The following MARCHF1 variants were observed in gnomAD, a reference collection of about 807,000 sequenced individuals.
MARCHF1 encodes membrane associated ring-CH-type finger 1.
In MARCHF1, 40 loss-of-function variants were observed where a neutral mutation model predicts 54.2. The observed-to-expected ratio is 0.74, with a 90% CI of 0.57 to 0.96. MARCHF1 has a LOEUF of 0.96. MARCHF1 is among the 40% of genes least tolerant of loss of function. The probability of loss-of-function intolerance (pLI) is 0.00; values close to 1 mark genes in which losing one functional copy is unlikely to be tolerated. For synonymous variants in MARCHF1, 236 were observed against 236.3 expected (o/e 1.00, Z 0.01); for missense variants, 586 against 656.5 (o/e 0.89, Z 1.17).
At chr4:163,705,683 G>C (rs953539942) in intron 4 of MARCHF1, among the ~76,000 whole-genome samples, 1 of 151,852 alleles carries the variant, frequency 6.6e-6, no homozygotes, top group Non-Finnish European at 1.5e-5. Context: ...ACCCCTTATA[G>C]TAATAAAGAC....
At chr4:163,610,374 G>T (rs1458923298) in intron 7 of MARCHF1, among the ~76,000 whole-genome samples, 1 of 151,956 alleles carries the variant, frequency 6.6e-6, no homozygotes, top group East Asian at 1.9e-4. Context: ...AATACCTATT[G>T]GCTCATCTAT....
chr4:163,641,110 AT>A (rs1742537492), intron 5 of MARCHF1, among the ~76,000 whole-genome samples: 1 of 152,076 alleles, frequency 6.6e-6, no homozygotes, highest in African/African-American at 2.4e-5. Context: ...CATCTGGCAA[AT>A]ATACTACATT....
At chr4:164,090,953 T>C (rs6827245) in intron 2 of MARCHF1, among the ~76,000 whole-genome samples, 107,896 of 151,978 alleles carry the variant, frequency 0.71, 39,839 homozygotes, top group Non-Finnish European at 0.83. Flanking sequence ...TGAAGTGAGT[T>C]AAAGAAATCA....
intron 4 of MARCHF1, among the ~76,000 whole-genome samples, chr4:163,714,768 G>A (rs1745208737): frequency 6.6e-6 from 1 of 152,050 alleles, no homozygotes; most frequent in Admixed American, 6.6e-5. Flanking sequence ...CCTCCAGGTT[G>A]AAGTGATCCT....
intron 2 of MARCHF1, among the ~76,000 whole-genome samples, chr4:164,073,048 G>A (rs7690391): frequency 0.012 from 1,880 of 152,264 alleles, 38 homozygotes; most frequent in African/African-American, 0.043. Context: ...ATAGTCAGAA[G>A]GAGAGAAGAA....
chr4:163,904,913 TATTTCAC>T (rs928870072), intron 3 of MARCHF1, among the ~76,000 whole-genome samples: 5 of 152,180 alleles, frequency 3.3e-5, no homozygotes, highest in Admixed American at 6.5e-5. Context: ...TTCTAACTTG[TATTTCAC>T]TTTGCTTAAG....
chr4:164,118,047 G>C (rs910032323), intron 1 of MARCHF1, among the ~76,000 whole-genome samples: 1 of 151,824 alleles, frequency 6.6e-6, no homozygotes, highest in Non-Finnish European at 1.5e-5. Context: ...TATAGAAAAA[G>C]AAAGTTTAAG....
intron 1 of MARCHF1, among the ~76,000 whole-genome samples, chr4:164,267,901 A>G (rs976000170): frequency 6.6e-6 from 1 of 151,962 alleles, no homozygotes; most frequent in Non-Finnish European, 1.5e-5. Flanking sequence ...TTCAGCCTGA[A>G]CTCACACAAT....
chr4:163,787,977 A>G (rs182091998), intron 4 of MARCHF1, among the ~76,000 whole-genome samples: 17 of 152,020 alleles, frequency 1.1e-4, no homozygotes, highest in Non-Finnish European at 1.8e-4. Flanking sequence ...AGCCAATCAC[A>G]AAAGGACAAA....
At position 163,720,270 on chromosome 4, in the gene MARCHF1, C is replaced by T. The variant is rs180759490; in HGVS notation, c.112-19407G>A. On this transcript the variant is annotated intron_variant, in intron 4 of 9. Transcript: ENST00000514618. Reference sequence around the variant, plus strand: ...TGGCTAGCCAGTTTTCCCAGCACCACTGATTAAATAGGGAATCCTTTCCCC... The same window carrying T: ...TGGCTAGCCAGTTTTCCCAGCACCATTGATTAAATAGGGAATCCTTTCCCC... Among the ~76,000 whole-genome samples the T allele has an allele frequency of 3.1e-3, 475 of 152,182 alleles. 4 individuals carry two copies. Among genetic ancestry groups the T allele is most frequent in the African/African-American group, 0.01 (429 of 41,538 alleles).
At chr4:164,038,748 G>T (rs1026933902) in intron 2 of MARCHF1, among the ~76,000 whole-genome samples, 1 of 152,076 alleles carries the variant, frequency 6.6e-6, no homozygotes, top group Non-Finnish European at 1.5e-5. Flanking sequence ...TCCATCCTAC[G>T]TCTAGAAAAC....
intron 1 of MARCHF1, among the ~76,000 whole-genome samples, chr4:164,268,142 A>C (rs900377727): frequency 6.6e-6 from 1 of 152,182 alleles, no homozygotes; most frequent in Non-Finnish European, 1.5e-5. Context: ...ATTTGAAAAG[A>C]CTTTAAATAT....
At chr4:164,327,214 T>C (rs977968427) in intron 1 of MARCHF1, among the ~76,000 whole-genome samples, 22 of 152,148 alleles carry the variant, frequency 1.4e-4, no homozygotes, top group African/African-American at 5.1e-4. Flanking sequence ...TTGCAAGTCA[T>C]TGTAAAACAG....
chr4:164,215,275 C>T (rs1731896857), intron 1 of MARCHF1, among the ~76,000 whole-genome samples: 1 of 152,160 alleles, frequency 6.6e-6, no homozygotes, highest in African/African-American at 2.4e-5. Context: ...CGCCTCCTTC[C>T]TTCGGTAGAT....
intron 7 of MARCHF1, among the ~76,000 whole-genome samples, chr4:163,606,797 G>C (rs182933295): frequency 9.5e-4 from 144 of 152,008 alleles, no homozygotes; most frequent in Admixed American, 2.2e-3. Flanking sequence ...GTTGCCGATG[G>C]CTACATTTTA....
intron 5 of MARCHF1, among the ~76,000 whole-genome samples, chr4:163,686,873 T>A (rs1041028273): frequency 6.6e-6 from 1 of 152,216 alleles, no homozygotes; most frequent in Non-Finnish European, 1.5e-5. Flanking sequence ...ATTGCAATAA[T>A]TTTTGTTATT....
chr4:164,316,862 T>C (rs1561000060), intron 1 of MARCHF1, among the ~76,000 whole-genome samples: 1 of 152,116 alleles, frequency 6.6e-6, no homozygotes, highest in Non-Finnish European at 1.5e-5. Context: ...CCTTCCCCTT[T>C]GCTCTCTTCC....
intron 1 of MARCHF1, among the ~76,000 whole-genome samples, chr4:164,209,871 A>T (rs1364355288): frequency 6.6e-6 from 1 of 152,194 alleles, no homozygotes; most frequent in Non-Finnish European, 1.5e-5. Context: ...TGTGTAATTT[A>T]TAATTAATGA....
intron 1 of MARCHF1, chr4:164,190,054 C>T: frequency 7.3e-7 from 1 of 1,373,302 alleles, no homozygotes; most frequent in Non-Finnish European, 1.0e-6. Flanking sequence ...TGCATTGATA[C>T]TACAAATGAG....
Sources: gnomAD v4.1 joint callset for allele counts (sites outside exome capture counted in the v4.1 genomes callset) on GRCh38, gnomAD v4.1.1 for gene constraint, MANE v1.5 for transcripts, NCBI Gene and HGNC (gene_info 2026-07-23, HGNC 2026-07-21) for gene names.